PCDH11Y: variants seen among roughly 807,000 people sequenced by gnomAD.
PCDH11Y encodes the protein protocadherin 11 Y-linked.
For missense variants in PCDH11Y, 12 were observed against 224.8 expected (o/e 0.05, Z 6.05); for synonymous variants, 9 against 83.6 (o/e 0.11, Z 4.87).
At chrY:5,254,911 A>G in intron 2 of PCDH11Y, among the ~76,000 whole-genome samples, 1 of 30,907 alleles carries the variant, frequency 3.2e-5, no homozygotes. Flanking sequence ...TTTTTTTTTA[A>G]TTTTTAATTT....
chrY:5,279,427 A>AG (rs2053049921), intron 2 of PCDH11Y, among the ~76,000 whole-genome samples: 1 of 26,700 alleles, frequency 3.7e-5, no homozygotes, highest in East Asian at 9.4e-4. Context: ...AAAAAAAAAA[A>AG]AAAGAAAAGA....
At chrY:5,566,403 C>T (rs2053435166) in intron 3 of PCDH11Y, among the ~76,000 whole-genome samples, 1 of 33,443 alleles carries the variant, frequency 3.0e-5, no homozygotes, top group Non-Finnish European at 7.5e-5. Context: ...TTCTTTTACC[C>T]GCATATTTTA....
At chrY:5,031,881 A>G in intron 1 of PCDH11Y, 5 of 33,498 alleles carry the variant, frequency 1.5e-4, no homozygotes, top group Non-Finnish European at 2.2e-4. Flanking sequence ...TTGAAAGCCA[A>G]TTGAAAGTGT....
At chrY:5,547,994 G>A (rs2053414938) in intron 3 of PCDH11Y, among the ~76,000 whole-genome samples, 1 of 29,396 alleles carries the variant, frequency 3.4e-5, no homozygotes, top group Admixed American at 3.1e-4. Flanking sequence ...GAAGTCTATC[G>A]ACTCAATCTA....
chrY:5,348,904 C>T, intron 2 of PCDH11Y, among the ~76,000 whole-genome samples: 1 of 32,018 alleles, frequency 3.1e-5, no homozygotes, highest in Non-Finnish European at 7.6e-5. Context: ...CTGAGGCGGG[C>T]GGATCAACTG....
At chrY:5,302,714 A>G in intron 2 of PCDH11Y, among the ~76,000 whole-genome samples, 1 of 30,610 alleles carries the variant, frequency 3.3e-5, no homozygotes, top group East Asian at 8.7e-4. Context: ...ATAAAAAAAA[A>G]TTGTCTCTTT....
intron 2 of PCDH11Y, among the ~76,000 whole-genome samples, chrY:5,292,038 T>TA (rs2053068315): frequency 3.0e-5 from 1 of 33,751 alleles, no homozygotes; most frequent in Non-Finnish European, 7.3e-5. Context: ...ATTCTGTCGA[T>TA]ATGACATATC....
chrY:5,591,663 T>C, intron 4 of PCDH11Y, among the ~76,000 whole-genome samples: 1 of 32,303 alleles, frequency 3.1e-5, no homozygotes, highest in Non-Finnish European at 7.5e-5. Flanking sequence ...GATGTGGGTA[T>C]TTAGTGCTAT....
chrY:5,701,258 C>A (rs1602961919), intron 4 of PCDH11Y, among the ~76,000 whole-genome samples: 1 of 31,768 alleles, frequency 3.1e-5, no homozygotes, highest in East Asian at 8.8e-4. Flanking sequence ...CATAAGTAAC[C>A]AGGAGCCAAA....
chrY:5,727,515 A>G (rs2124714722), intron 4 of PCDH11Y, among the ~76,000 whole-genome samples: 3 of 32,687 alleles, frequency 9.2e-5, no homozygotes, highest in African/African-American at 3.5e-4. Context: ...CGTTTATCCT[A>G]TGGTTTCTGT....
intron 2 of PCDH11Y, among the ~76,000 whole-genome samples, chrY:5,192,364 A>G: frequency 3.0e-5 from 1 of 33,134 alleles, no homozygotes; most frequent in Non-Finnish European, 7.4e-5. Flanking sequence ...CCCCCTAGCA[A>G]CATCATATGA....
At chrY:5,130,732 A>G in intron 2 of PCDH11Y, among the ~76,000 whole-genome samples, 1 of 30,894 alleles carries the variant, frequency 3.2e-5, no homozygotes, top group Non-Finnish European at 7.8e-5. Context: ...AAATACACAG[A>G]TTAGCTGGGC....
At chrY:5,243,762 A>G (rs369091147) in intron 2 of PCDH11Y, among the ~76,000 whole-genome samples, 39 of 31,378 alleles carry the variant, frequency 1.2e-3, no homozygotes, top group South Asian at 3.6e-3. Flanking sequence ...CCAGGAGAAC[A>G]GGCGAGTTAA....
chrY:5,337,063 TATA>T lies in PCDH11Y; in HGVS notation c.3130-163991_3130-163989del, dbSNP rs1569476816. Among the ~76,000 whole-genome samples the T allele has an allele frequency of 4.8e-4, 16 of 33,391 alleles. No homozygotes were observed. The East Asian group carries it at 0.012, about 26-fold the overall frequency. 89.6% of individuals were successfully genotyped at this position (33,391 alleles called of 37,273 possible). On this transcript the variant is annotated intron_variant, in intron 2 of 4. Transcript: ENST00000400457. ...GTTCACTTTTTAGATAGAGATTTAT[TATA>T]ATGTTTTCTTGTGACAATTTGATAT...
intron 2 of PCDH11Y, among the ~76,000 whole-genome samples, chrY:5,195,375 T>G: frequency 3.0e-5 from 1 of 33,463 alleles, no homozygotes; most frequent in African/African-American, 1.2e-4. Flanking sequence ...GGTGATATGG[T>G]GAAGCACCTA....
intron 3 of PCDH11Y, among the ~76,000 whole-genome samples, chrY:5,503,823 G>A (rs2053356550): frequency 3.1e-5 from 1 of 32,676 alleles, no homozygotes; most frequent in Non-Finnish European, 7.6e-5. Context: ...TCTTCAAAAA[G>A]CAAAGCTATA....
intron 3 of PCDH11Y, among the ~76,000 whole-genome samples, chrY:5,038,526 C>T: frequency 3.1e-5 from 1 of 32,405 alleles, no homozygotes; most frequent in Non-Finnish European, 7.6e-5. Flanking sequence ...TGGTGTATTA[C>T]CACTTCATAA....
intron 3 of PCDH11Y, among the ~76,000 whole-genome samples, chrY:5,560,858 C>T (rs2053428059): frequency 2.8e-3 from 96 of 33,935 alleles, no homozygotes; most frequent in Middle Eastern, 0.014. Context: ...GGGGCACCAC[C>T]TAGTGGAGCT....
At chrY:5,156,935 C>G in intron 2 of PCDH11Y, among the ~76,000 whole-genome samples, 1 of 32,321 alleles carries the variant, frequency 3.1e-5, no homozygotes, top group African/African-American at 1.2e-4. Context: ...ATAGGCAACT[C>G]AAATACCTAC....
Sources: allele counts gnomAD v4.1 joint callset (sites outside exome capture counted in the v4.1 genomes callset), GRCh38; gene constraint gnomAD v4.1.1; transcripts MANE v1.5; gene names NCBI Gene and HGNC (gene_info 2026-07-23, HGNC 2026-07-21).